ZNHIT2: variants seen among roughly 807,000 people sequenced by gnomAD.
ZNHIT2 encodes zinc finger HIT-type containing 2.
ZNHIT2 carries 16 observed loss-of-function variants against 18.0 expected under a neutral mutation model. The ratio of observed to expected loss-of-function variants is 0.89; its 90% CI spans 0.60 to 1.35. The LOEUF (loss-of-function observed/expected upper bound fraction) is 1.35, where lower values mean the gene tolerates loss of function less well. ZNHIT2 is among the 40% of genes most tolerant of loss of function. The pLI is 0.00. For synonymous variants in ZNHIT2, 336 were observed against 269.8 expected, an observed-to-expected ratio of 1.25 and a Z score of -2.41; for missense variants, 631 against 566.4, an observed-to-expected ratio of 1.11 and a Z score of -1.16.
At position 65,117,092 on chromosome 11, in the gene ZNHIT2, A is replaced by G. The variant is rs375167428; in HGVS notation, c.562T>C (p.Cys188Arg). The change falls in exon 1 of 1, where the codon TGC becomes CGC. Residue 188 changes from cysteine to arginine, a missense_variant. Transcript: ENST00000310597. ...ATGCGGGTGGGTACGACGGGCGTGC[A>G]GGCCCCCGGGACATCTCCAAGAACC... ...ERVLGDVPGACTPVVPTRIPA... is the reference protein window; with the variant it reads ...ERVLGDVPGARTPVVPTRIPA... 1.8e-4 allele frequency: 281 copies of G among 1,593,054 alleles called. 2 individuals carry two copies. In the African/African-American group the frequency reaches 3.1e-3, roughly 18 times the overall value.
chr11:65,116,556 T>C lies in ZNHIT2; in HGVS notation c.1098A>G (p.Gln366=), dbSNP rs1212540426. Residue 366 remains glutamine, a synonymous_variant, in exon 1 of 1, where the codon CAA becomes CAG. Coordinates refer to ENST00000310597, the MANE Select transcript of ZNHIT2 (RefSeq NM_014205.4). The part of the protein sequence containing the change: ...PLALDCARAH[Q]AHAVVAEEVA... ...CCTCCTCGGCTACCACAGCATGGGCTTGGTGAGCCCTGGCGCAGTCTAGGG... is the reference window on the plus strand; with the variant it reads ...CCTCCTCGGCTACCACAGCATGGGCCTGGTGAGCCCTGGCGCAGTCTAGGG... The C allele has an allele frequency of 4.5e-6, 7 of 1,571,524 alleles. No homozygotes were observed. Among genetic ancestry groups the C allele is most frequent in the African/African-American group, 1.3e-5 (1 of 74,090 alleles).
Position 65,117,673 on chromosome 11 carries a change from T to A in ZNHIT2, c.-20A>T. 1.5e-6 allele frequency: 2 copies of A among 1,361,706 alleles called. No individual in the cohort carries two copies. The highest frequency in any genetic ancestry group is 3.0e-5 in the East Asian group (1 of 33,604). 84.4% of individuals were successfully genotyped at this position (1,361,706 alleles called of 1,614,324 possible). A position where few individuals can be genotyped will look rare whatever the true frequency, so the allele number is the denominator to read the frequency against. On this transcript the variant is annotated 5_prime_UTR_variant, in exon 1 of 1. Transcript: ENST00000310597. The stretch of plus-strand genomic sequence containing the variant: ...CTCCATGGCAACTGGCACCGCGATC[T>A]ACCTGCGAACGCACGCCGGTGGTAG...
At position 65,117,161 on chromosome 11, in the gene ZNHIT2, A is replaced by T. The variant is rs1948000933; in HGVS notation, c.493T>A (p.Ser165Thr). The T allele has an allele frequency of 6.4e-7, 1 of 1,569,806 alleles. No individual in the cohort carries two copies. The highest frequency in any genetic ancestry group is 1.3e-5 in the African/African-American group (1 of 74,082). The change falls in exon 1 of 1, where the codon TCT becomes ACT. Residue 165 changes from serine (S) to threonine (T), a missense_variant. Transcript: ENST00000310597. ...ELAPARTPPDSVKDASAAEPA... is the reference protein window; with the variant it reads ...ELAPARTPPDTVKDASAAEPA... ...TCCGCGGCGGAGGCATCTTTCACAGAATCCGGCGGGGTCCTCGCAGGGGCG... is the reference window on the plus strand; with the variant it reads ...TCCGCGGCGGAGGCATCTTTCACAGTATCCGGCGGGGTCCTCGCAGGGGCG...
chr11:65,117,670 A>C lies in ZNHIT2; in HGVS notation c.-17T>G, dbSNP rs1948010689. 1.5e-6 allele frequency: 2 copies of C among 1,366,628 alleles called. No individual in the cohort carries two copies. Among genetic ancestry groups the C allele is most frequent in the Non-Finnish European group, 1.9e-6 (2 of 1,061,502 alleles). 84.7% of individuals were successfully genotyped at this position (1,366,628 alleles called of 1,614,324 possible). ...CGGCTCCATGGCAACTGGCACCGCG[A>C]TCTACCTGCGAACGCACGCCGGTGG... On this transcript the variant is annotated 5_prime_UTR_variant, in exon 1 of 1. Transcript: ENST00000310597.
At position 65,117,432 on chromosome 11, in the gene ZNHIT2, T is replaced by C. The variant is rs1052426014; in HGVS notation, c.222A>G (p.Gln74=). 1 of 1,505,310 alleles carries C rather than the reference T, an allele frequency of 6.6e-7. No homozygotes were observed. The highest frequency in any genetic ancestry group is 8.8e-7 in the Non-Finnish European group (1 of 1,133,038). 93.2% of individuals were successfully genotyped at this position (1,505,310 alleles called of 1,614,324 possible). ...LASALRRLRQ[Q]RETEDEPGEA... ...CCCCAGGCTCGTCCTCGGTCTCGCG[T>C]TGCTGACGCAGCCGGCGTAGGGCGC... is the stretch of plus-strand genomic sequence containing the variant. Residue 74 remains glutamine (Q), a synonymous_variant, in exon 1 of 1, where the codon CAA becomes CAG. Coordinates refer to ENST00000310597, the MANE Select transcript of ZNHIT2 (RefSeq NM_014205.4).
chr11:65,116,982 A>T lies in ZNHIT2; in HGVS notation c.672T>A (p.His224Gln). The change falls in exon 1 of 1, where the codon CAT becomes CAA. Residue 224 changes from histidine (H) to glutamine (Q), a missense_variant. By Grantham distance (24) the His-to-Gln change is conservative (BLOSUM62 0). Transcript: ENST00000310597. The part of the protein sequence containing the change: ...QLPNVLFAYA[H>Q]TLALYHGGDD... ...CACCGCCGTGATACAGGGCGAGAGT[A>T]TGCGCGTAGGCGAACAGCACATTGG... 3 of 1,602,894 alleles carry T rather than the reference A, an allele frequency of 1.9e-6. No individual in the cohort carries two copies. Among genetic ancestry groups the T allele is most frequent in the Non-Finnish European group, 2.5e-6 (3 of 1,178,044 alleles).
rs746725697 is a variant in ZNHIT2 at position 65,117,007 on chromosome 11, G to C, written c.647C>G (p.Pro216Arg). 2.4e-5 allele frequency: 39 copies of C among 1,601,822 alleles called. No individual in the cohort carries two copies. The highest frequency in any genetic ancestry group is 3.3e-5 in the Non-Finnish European group (39 of 1,176,900). Residue 216 changes from proline to arginine, a missense_variant, in exon 1 of 1, where the codon CCC becomes CGC. Pro to Arg is a moderately radical substitution (Grantham distance 103). Transcript: ENST00000310597. ...ATGCGCGTAGGCGAACAGCACATTG[G>C]GCAGCTGGAAGCGCACGAGCGGCGA... ...PVSPLVRFQL[P>R]NVLFAYAHTL...
Position 65,116,783 on chromosome 11 carries a change from C to T in ZNHIT2, c.871G>A (p.Ala291Thr), listed in dbSNP as rs1163416916. 14 of 1,606,856 alleles carry T rather than the reference C, an allele frequency of 8.7e-6. No individual in the cohort carries two copies. Among genetic ancestry groups the T allele is most frequent in the South Asian group, 1.1e-5 (1 of 90,808 alleles). ...GGGCCCTCGCCCAGCAGGATGCGGG[C>T]GACCTCGTGCATAGCCCCTCGTGTG... ...LGTRGAMHEV[A>T]RILLGEGPTN... The change falls in exon 1 of 1, where the codon GCC becomes ACC. Residue 291 changes from alanine to threonine, a missense_variant. By Grantham distance (58) the Ala-to-Thr change is moderately conservative (BLOSUM62 0). Transcript: ENST00000310597.
chr11:65,117,531 G>A lies in ZNHIT2; in HGVS notation c.123C>T (p.Cys41=). The part of the protein sequence containing the change: ...SLRCYRTHGT[C]AENFYRDQVL... ...CCTGGTCACGGTAGAAGTTTTCTGC[G>A]CAGGTGCCATGCGTCCGGTAGCAGC... The change falls in exon 1 of 1, where the codon TGC becomes TGT. Residue 41 remains cysteine, a synonymous_variant. Coordinates refer to ENST00000310597, the MANE Select transcript of ZNHIT2 (RefSeq NM_014205.4). 6.3e-7 allele frequency: 1 copy of A among 1,591,564 alleles called. No homozygotes were observed. Among genetic ancestry groups the A allele is most frequent in the Non-Finnish European group, 8.5e-7 (1 of 1,176,304 alleles).
In ZNHIT2 at chr11:65,117,683, C is replaced by T. The variant is rs1360117123; in HGVS notation, c.-30G>A. 1.5e-6 allele frequency: 2 copies of T among 1,357,988 alleles called. No homozygotes were observed. Among genetic ancestry groups the T allele is most frequent in the Non-Finnish European group, 1.9e-6 (2 of 1,057,450 alleles). The allele number at this position is 1,357,988 out of a possible 1,614,324, so 84.1% of individuals were successfully genotyped here. A position where few individuals can be genotyped will look rare whatever the true frequency, so the allele number is the denominator to read the frequency against. On this transcript the variant is annotated 5_prime_UTR_variant, in exon 1 of 1. Transcript: ENST00000310597. ...ACTGGCACCGCGATCTACCTGCGAACGCACGCCGGTGGTAGTTCGAAACTT... is the reference window on the plus strand; with the variant it reads ...ACTGGCACCGCGATCTACCTGCGAATGCACGCCGGTGGTAGTTCGAAACTT...
Position 65,117,445 on chromosome 11 carries a change from C to T in ZNHIT2, c.209G>A (p.Arg70Gln), listed in dbSNP as rs1403865607. 1.3e-6 allele frequency: 2 copies of T among 1,512,294 alleles called. No homozygotes were observed. The highest frequency in any genetic ancestry group is 1.8e-6 in the Non-Finnish European group (2 of 1,137,566). The allele number at this position is 1,512,294 out of a possible 1,614,324, so 93.7% of individuals were successfully genotyped here. Residue 70 changes from arginine to glutamine, a missense_variant, in exon 1 of 1, where the codon CGG becomes CAG. By Grantham distance (43) the Arg-to-Gln change is conservative. Coordinates refer to ENST00000310597, the MANE Select transcript of ZNHIT2 (RefSeq NM_014205.4). Reference sequence around the variant, plus strand: ...CTCGGTCTCGCGTTGCTGACGCAGCCGGCGTAGGGCGCTTGCTAGGCGGCT... The same window carrying T: ...CTCGGTCTCGCGTTGCTGACGCAGCTGGCGTAGGGCGCTTGCTAGGCGGCT... The part of the protein sequence containing the change: ...PPSRLASALR[R>Q]LRQQRETEDE...
Position 65,116,506 on chromosome 11 carries a change from T to C in ZNHIT2, c.1148A>G (p.Glu383Gly), listed in dbSNP as rs1947987339. 2.0e-6 allele frequency: 3 copies of C among 1,528,292 alleles called. No individual in the cohort carries two copies. Among genetic ancestry groups the C allele is most frequent in the Admixed American group, 4.1e-5 (2 of 48,494 alleles). The allele number at this position is 1,528,292 out of a possible 1,614,324, so 94.7% of individuals were successfully genotyped here. A position where few individuals can be genotyped will look rare whatever the true frequency, so the allele number is the denominator to read the frequency against. ...TGGCACGGGGCCTCCCCAAAGCCGC[T>C]CCAGCTCCCCAGTGAGGGCGGCCAC... ...EEVAALTGEL[E>G]RLWGGPVPPA... The change falls in exon 1 of 1, where the codon GAG becomes GGG. Residue 383 changes from glutamate to glycine, a missense_variant. Transcript: ENST00000310597.
In ZNHIT2 at chr11:65,117,225, C is replaced by T. The variant is rs774690574; in HGVS notation, c.429G>A (p.Leu143=). 3.3e-6 allele frequency: 5 copies of T among 1,517,010 alleles called. No homozygotes were observed. The East Asian group carries it at 1.2e-4, about 35-fold the overall frequency. The allele number at this position is 1,517,010 out of a possible 1,614,324, so 94.0% of individuals were successfully genotyped here. The change falls in exon 1 of 1, where the codon CTG becomes CTA. Residue 143 remains leucine (L), a synonymous_variant. Transcript: ENST00000310597. ...RGAGPQLLEE[L]DNAPGSDAAE... The stretch of plus-strand genomic sequence containing the variant: ...CGGCGTCACTACCCGGGGCATTATC[C>T]AGCTCCTCCAGAAGCTGCGGTCCGG...
In ZNHIT2 at chr11:65,117,212, C is replaced by G; in HGVS notation, c.442G>C (p.Gly148Arg). 2 of 1,535,356 alleles carry G rather than the reference C, an allele frequency of 1.3e-6. No individual in the cohort carries two copies. Among genetic ancestry groups the G allele is most frequent in the Non-Finnish European group, 1.7e-6 (2 of 1,147,490 alleles). The change falls in exon 1 of 1, where the codon GGT (glycine) becomes CGT (arginine). Residue 148 changes from glycine (G) to arginine (R), a missense_variant. Gly to Arg is a moderately radical substitution (Grantham distance 125). Transcript: ENST00000310597. Reference sequence around the variant, plus strand: ...AGCTCCAGCTCCGCGGCGTCACTACCCGGGGCATTATCCAGCTCCTCCAGA... The same window carrying G: ...AGCTCCAGCTCCGCGGCGTCACTACGCGGGGCATTATCCAGCTCCTCCAGA... ...QLLEELDNAP[G>R]SDAAELELAP...
chr11:65,116,924 G>C lies in ZNHIT2; in HGVS notation c.730C>G (p.Leu244Val). Reference protein sequence around the residue: ...DALLSDFCATLLGVSGALGAQ... With the variant: ...DALLSDFCATVLGVSGALGAQ... The stretch of plus-strand genomic sequence containing the variant: ...CCCAGGGCTCCGGAAACGCCGAGCA[G>C]TGTGGCACAGAAGTCAGAGAGCAGC... Residue 244 changes from leucine (L) to valine (V), a missense_variant, in exon 1 of 1, where the codon CTG becomes GTG. Coordinates refer to ENST00000310597, the MANE Select transcript of ZNHIT2 (RefSeq NM_014205.4). 1.3e-6 allele frequency: 2 copies of C among 1,597,576 alleles called. No individual in the cohort carries two copies. Among genetic ancestry groups the C allele is most frequent in the South Asian group, 2.2e-5 (2 of 90,492 alleles).
At position 65,117,387 on chromosome 11, in the gene ZNHIT2, G is replaced by A. The variant is rs61736618; in HGVS notation, c.267C>T (p.Gly89=). Residue 89 remains glycine, a synonymous_variant, in exon 1 of 1, where the codon GGC becomes GGT. Coordinates refer to ENST00000310597, the MANE Select transcript of ZNHIT2 (RefSeq NM_014205.4). ...DEPGEAGLSS[G]PAPGGLSGLW... ...GTCCCGATAGGCCGCCGGGCGCCGG[G>A]CCGGAGCTGAGGCCTGCTTCCCCAG... 13 of 1,497,552 alleles carry A rather than the reference G, an allele frequency of 8.7e-6. No homozygotes were observed. The highest frequency in any genetic ancestry group is 1.1e-5 in the Non-Finnish European group (13 of 1,131,300). The allele number at this position is 1,497,552 out of a possible 1,614,324, so 92.8% of individuals were successfully genotyped here.
Position 65,116,970 on chromosome 11 carries a change from C to T in ZNHIT2, c.684G>A (p.Leu228=), listed in dbSNP as rs767100567. The T allele has an allele frequency of 2.5e-6, 4 of 1,601,698 alleles. No homozygotes were observed. The highest frequency in any genetic ancestry group is 1.1e-5 in the South Asian group (1 of 90,516). The change falls in exon 1 of 1, where the codon CTG becomes CTA. Residue 228 remains leucine (L), a synonymous_variant. Coordinates refer to ENST00000310597, the MANE Select transcript of ZNHIT2 (RefSeq NM_014205.4). ...VLFAYAHTLA[L]YHGGDDALLS... Reference sequence around the variant, plus strand: ...GCAGCGCGTCGTCACCGCCGTGATACAGGGCGAGAGTATGCGCGTAGGCGA... The same window carrying T: ...GCAGCGCGTCGTCACCGCCGTGATATAGGGCGAGAGTATGCGCGTAGGCGA...
Position 65,116,768 on chromosome 11 carries a change from C to T in ZNHIT2, c.886G>A (p.Gly296Ser). 1 of 1,608,022 alleles carries T rather than the reference C, an allele frequency of 6.2e-7. No homozygotes were observed. Among genetic ancestry groups the T allele is most frequent in the South Asian group, 1.1e-5 (1 of 90,908 alleles). Residue 296 changes from glycine (G) to serine (S), a missense_variant, in exon 1 of 1, where the codon GGC becomes AGC. By Grantham distance (56) the Gly-to-Ser change is moderately conservative. Transcript: ENST00000310597. ...CCTTTCTGGTTGGTCGGGCCCTCGC[C>T]CAGCAGGATGCGGGCGACCTCGTGC... The part of the protein sequence containing the change: ...AMHEVARILL[G>S]EGPTNQKGYT...
rs768365077 is a variant in ZNHIT2 at position 65,117,019 on chromosome 11, C to T, written c.635G>A (p.Arg212His). The change falls in exon 1 of 1, where the codon CGC becomes CAC. Residue 212 changes from arginine (R) to histidine (H), a missense_variant. Coordinates refer to ENST00000310597, the MANE Select transcript of ZNHIT2 (RefSeq NM_014205.4). ...LSRGPVSPLV[R>H]FQLPNVLFAY... ...GAACAGCACATTGGGCAGCTGGAAGCGCACGAGCGGCGAGACTGGGCCGCG... is the reference window on the plus strand; with the variant it reads ...GAACAGCACATTGGGCAGCTGGAAGTGCACGAGCGGCGAGACTGGGCCGCG... 6 of 1,599,308 alleles carry T rather than the reference C, an allele frequency of 3.8e-6. No homozygotes were observed. The African/African-American group carries it at 4.0e-5, about 11-fold the overall frequency.
Sources: allele counts gnomAD v4.1 joint callset, GRCh38; gene constraint gnomAD v4.1.1; transcripts MANE v1.5; gene names NCBI Gene and HGNC (gene_info 2026-07-23, HGNC 2026-07-21).